Variants in TTL observed in about 807,000 individuals in gnomAD.
TTL encodes the protein tubulin tyrosine ligase, also known as tubulin--tyrosine ligase.
Under a neutral mutation model 41.1 loss-of-function variants are expected in TTL, and 10 were observed. The ratio of observed to expected loss-of-function variants is 0.24; its 90% CI spans 0.15 to 0.41. The LOEUF is 0.41. Among genes scored for constraint, TTL ranks in the 10% least tolerant of loss-of-function variants. The pLI, the probability that TTL is intolerant of heterozygous loss-of-function variation, is 1.00. For missense variants in TTL, 367 were observed against 460.4 expected (o/e 0.80, Z 1.86); for synonymous variants, 175 against 175.5 (o/e 1.00, Z 0.02).
In TTL at chr2:112,482,886, G is replaced by T. The variant is rs546728402; in HGVS notation, c.157+385G>T. ...GCGCGGCTCCGCAGAGCGGGCGGCT[G>T]GAGTCATCTTTTGCAGCTCGTCTGC... On this transcript the variant is annotated intron_variant, in intron 1 of 6. Transcript: ENST00000233336. The surrounding 1 kb of genome is among the most constrained non-coding windows in gnomAD (Gnocchi z 5.3). 1.3e-5 allele frequency among the ~76,000 whole-genome samples: 2 copies of T among 152,322 alleles called. No homozygotes were observed. Among genetic ancestry groups the T allele is most frequent in the South Asian group, 2.1e-4 (1 of 4,832 alleles).
Position 112,531,811 on chromosome 2 carries a change from A to T in TTL, c.*3016A>T, listed in dbSNP as rs1486156715. The T allele has an allele frequency of 4.5e-6, 1 of 223,792 alleles. No individual in the cohort carries two copies. Among genetic ancestry groups the T allele is most frequent in the African/African-American group, 2.2e-5 (1 of 44,892 alleles). The allele number at this position is 223,792 out of a possible 1,614,324, so 13.9% of individuals were successfully genotyped here. On this transcript the variant is annotated 3_prime_UTR_variant, in exon 7 of 7. Transcript: ENST00000233336. ...TTCTCTGTTTGCTTGTCATAGCAGC[A>T]TTTGGAAACTCAAACATGCTTTCAT...
intron 6 of TTL, 30 bp from the exon 7 acceptor site, chr2:112,528,651 C>G (rs1424642854): frequency 1.3e-6 from 2 of 1,564,326 alleles, no homozygotes; most frequent in Non-Finnish European, 8.8e-7. Context: ...GATGAACATC[C>G]TCAATGATAT....
At chr2:112,492,513 G>A (rs1376911558) in intron 2 of TTL, among the ~76,000 whole-genome samples, 2 of 152,050 alleles carry the variant, frequency 1.3e-5, no homozygotes, top group Non-Finnish European at 2.9e-5. Flanking sequence ...GGTGGATCAC[G>A]AGGTCAGGAG....
At chr2:112,516,107 C>T (rs944989025) in intron 5 of TTL, among the ~76,000 whole-genome samples, 5 of 152,122 alleles carry the variant, frequency 3.3e-5, no homozygotes, top group African/African-American at 1.2e-4. Flanking sequence ...GTTTTATGTT[C>T]AGCTTTTCCC....
intron 5 of TTL, among the ~76,000 whole-genome samples, chr2:112,512,554 G>T (rs998583660): frequency 6.6e-6 from 1 of 151,996 alleles, no homozygotes; most frequent in South Asian, 2.1e-4. Flanking sequence ...GAGCCACCAC[G>T]CCTGGCCTAG....
intron 2 of TTL, among the ~76,000 whole-genome samples, chr2:112,489,949 A>G (rs1681335242): frequency 6.6e-6 from 1 of 152,228 alleles, no homozygotes; most frequent in Non-Finnish European, 1.5e-5. Context: ...ATTGGAGTTG[A>G]AAAGTAAATC....
rs1169554744 is a variant in TTL, at chr2:112,524,696, T to G, written c.1020-3985T>G. ...CTTTGTAGATTCTGGATATCAGCCC[T>G]TTGTCAGATGGGTAGATTGTAAAAA... On this transcript the variant is annotated intron_variant, in intron 6 of 6. Coordinates refer to ENST00000233336, the MANE Select transcript of TTL (RefSeq NM_153712.5). Among the ~76,000 whole-genome samples, 4 of 152,332 alleles carry G rather than the reference T, an allele frequency of 2.6e-5. No homozygotes were observed. The East Asian group carries it at 7.7e-4, about 29-fold the overall frequency.
intron 6 of TTL, among the ~76,000 whole-genome samples, chr2:112,523,953 C>G (rs1682310130): frequency 6.6e-6 from 1 of 152,054 alleles, no homozygotes; most frequent in Non-Finnish European, 1.5e-5. Flanking sequence ...CATCCCCCAA[C>G]CCCACAACAG....
intron 3 of TTL, 141 bp downstream of exon 3, chr2:112,494,516 A>G (rs1056278472): frequency 1.0e-4 from 69 of 664,814 alleles, no homozygotes; most frequent in South Asian, 1.4e-4. Flanking sequence ...CCATCTATGT[A>G]CTGATGCCTT....
intron 5 of TTL, among the ~76,000 whole-genome samples, chr2:112,513,680 CAA>C (rs1001239318): frequency 1.4e-5 from 2 of 148,058 alleles, no homozygotes; most frequent in African/African-American, 2.5e-5. Context: ...TAATATTAAG[CAA>C]AAAAATGCAA....
chr2:112,521,214 C>A (rs1682217613), intron 6 of TTL: 2 of 985,138 alleles, frequency 2.0e-6, no homozygotes, highest in Admixed American at 1.2e-4. Flanking sequence ...CTGTCCCGGG[C>A]TCTGCAGGTC....
chr2:112,489,746 G>C (rs1254403868), intron 2 of TTL, among the ~76,000 whole-genome samples: 3 of 152,148 alleles, frequency 2.0e-5, no homozygotes, highest in Non-Finnish European at 4.4e-5. Context: ...TCTCACACCT[G>C]TCTGGGTGGA....
At chr2:112,491,513 T>C (rs1574055377) in intron 2 of TTL, among the ~76,000 whole-genome samples, 1 of 152,362 alleles carries the variant, frequency 6.6e-6, no homozygotes, top group African/African-American at 2.4e-5. Flanking sequence ...AGCTGAAGAT[T>C]GTTCATTTTT....
At chr2:112,523,173 C>T (rs1416178921) in intron 6 of TTL, among the ~76,000 whole-genome samples, 1 of 152,170 alleles carries the variant, frequency 6.6e-6, no homozygotes, top group African/African-American at 2.4e-5. Context: ...CCATTACCAC[C>T]ACCACCACCA....
intron 3 of TTL, 59 bp from the exon 4 acceptor site, chr2:112,501,147 T>C: frequency 1.3e-6 from 2 of 1,540,054 alleles, no homozygotes; most frequent in Non-Finnish European, 1.7e-6. Context: ...CCTTTCTGGA[T>C]TTATAGAGAG....
At position 112,529,756 on chromosome 2, in the gene TTL, C is replaced by G. The variant is rs1480324223; in HGVS notation, c.*961C>G. 4.5e-6 allele frequency: 1 copy of G among 220,972 alleles called. No individual in the cohort carries two copies. The highest frequency in any genetic ancestry group is 2.2e-5 in the African/African-American group (1 of 44,652). The allele number at this position is 220,972 out of a possible 1,614,324, so 13.7% of individuals were successfully genotyped here. ...TTTTTGTTCTTTTTATGCCCCCAAG[C>G]ACTTTCTGCAGTAGCTAGAGGGACA... On this transcript the variant is annotated 3_prime_UTR_variant, in exon 7 of 7. Coordinates refer to ENST00000233336, the MANE Select transcript of TTL (RefSeq NM_153712.5).
chr2:112,521,741 T>G (rs897393881), intron 6 of TTL, among the ~76,000 whole-genome samples: 3 of 152,122 alleles, frequency 2.0e-5, no homozygotes, highest in Non-Finnish European at 4.4e-5. Flanking sequence ...GGCCCTACCT[T>G]TCGTGGGGAG....
rs971368409 is a variant in TTL at position 112,530,377 on chromosome 2, T to G, written c.*1582T>G. ...CAGGTGAATTGGCTCTCATGGAAATTTGGAATTACAAAATAAACGTCCTGG... is the reference window on the plus strand; with the variant it reads ...CAGGTGAATTGGCTCTCATGGAAATGTGGAATTACAAAATAAACGTCCTGG... On this transcript the variant is annotated 3_prime_UTR_variant, in exon 7 of 7. Transcript: ENST00000233336. 1 of 231,774 alleles carries G rather than the reference T, an allele frequency of 4.3e-6. No homozygotes were observed. Among genetic ancestry groups the G allele is most frequent in the Non-Finnish European group, 8.5e-6 (1 of 117,226 alleles). The allele number at this position is 231,774 out of a possible 1,614,324, so 14.4% of individuals were successfully genotyped here. A position where few individuals can be genotyped will look rare whatever the true frequency, so the allele number is the denominator to read the frequency against.
intron 2 of TTL, among the ~76,000 whole-genome samples, chr2:112,490,869 A>G (rs911719485): frequency 6.6e-6 from 1 of 152,038 alleles, no homozygotes; most frequent in African/African-American, 2.4e-5. Context: ...CACTGTGCCC[A>G]GCCATAAATC....
Sources: gnomAD v4.1 joint callset for allele counts (sites outside exome capture counted in the v4.1 genomes callset) on GRCh38, gnomAD v4.1.1 for gene constraint, Gnocchi (gnomAD v3.1) non-coding constraint, MANE v1.5 for transcripts, NCBI Gene and HGNC (gene_info 2026-07-23, HGNC 2026-07-21) for gene names.